The following MELK variants were observed in gnomAD, a reference collection of about 807,000 sequenced individuals.
MELK encodes the protein maternal embryonic leucine zipper kinase, also known as pEg3 kinase.
A neutral mutation model predicts 85.0 loss-of-function variants in MELK; 81 were observed. The observed-to-expected ratio is 0.95, with a 90% CI of 0.80 to 1.15. The LOEUF (loss-of-function observed/expected upper bound fraction) is 1.15. Among genes scored for constraint, MELK ranks in the 50% most tolerant of loss-of-function variants. MELK has a pLI of 0.00. For missense variants in MELK, 754 were observed against 777.5 expected (o/e 0.97, Z 0.36); for synonymous variants, 252 against 265.0 (o/e 0.95, Z 0.48).
chr9:36,629,749 G>A (rs1004154426), intron 8 of MELK, among the ~76,000 whole-genome samples: 1 of 150,852 alleles, frequency 6.6e-6, no homozygotes, highest in Non-Finnish European at 1.5e-5. Flanking sequence ...CTACTGTTAT[G>A]TTCTTTGTGC....
At chr9:36,595,137 G>A (rs146074429) in intron 5 of MELK, among the ~76,000 whole-genome samples, 1 of 149,840 alleles carries the variant, frequency 6.7e-6, no homozygotes, top group Non-Finnish European at 1.5e-5. Flanking sequence ...ATGTTGGTCA[G>A]TCTGGTCATT....
chr9:36,667,247 C>A (rs1052777562), intron 14 of MELK, among the ~76,000 whole-genome samples: 2 of 151,816 alleles, frequency 1.3e-5, no homozygotes, highest in Admixed American at 6.6e-5. Flanking sequence ...CCTCTGCCTC[C>A]TGGGTTCAAG....
At chr9:36,586,276 G>A (rs186775803) in intron 3 of MELK, among the ~76,000 whole-genome samples, 172 of 151,968 alleles carry the variant, frequency 1.1e-3, no homozygotes, top group Non-Finnish European at 1.8e-3. Context: ...CTGGGAGGTT[G>A]GGCTGCAGTG....
At chr9:36,662,053 G>T (rs998319776) in intron 13 of MELK, among the ~76,000 whole-genome samples, 1 of 151,140 alleles carries the variant, frequency 6.6e-6, no homozygotes, top group Non-Finnish European at 1.5e-5. Context: ...TTTTATTATG[G>T]ATTTAGTTAT....
chr9:36,636,782 T>TCTGTCTGTCTGTCTGTCTGTCTGTCTG (rs1829220194), intron 10 of MELK, among the ~76,000 whole-genome samples: 2 of 107,622 alleles, frequency 1.9e-5, no homozygotes, highest in African/African-American at 8.2e-5. Context: ...CTTTCTTTCT[T>TCTGTCTGTCTGTCTGTCTGTCTGTCTG]TCTGTCTGTC....
At chr9:36,623,475 A>G (rs958006310) in intron 8 of MELK, among the ~76,000 whole-genome samples, 1 of 152,240 alleles carries the variant, frequency 6.6e-6, no homozygotes, top group Non-Finnish European at 1.5e-5. Flanking sequence ...GAATGTCAGG[A>G]CATGGTAATG....
chr9:36,621,801 A>G (rs1392032357), intron 8 of MELK, among the ~76,000 whole-genome samples: 1 of 152,190 alleles, frequency 6.6e-6, no homozygotes, highest in Non-Finnish European at 1.5e-5. Context: ...TGGAATTCAT[A>G]CTATTATCAG....
intron 10 of MELK, 91 bp from the exon 11 acceptor site, chr9:36,642,906 T>G (rs879750381): frequency 1.0e-4 from 86 of 834,494 alleles, no homozygotes; most frequent in Admixed American, 4.1e-4. Context: ...GATATTTGAT[T>G]GTATAAAGTA....
At chr9:36,619,933 G>C (rs1827235406) in intron 8 of MELK, among the ~76,000 whole-genome samples, 1 of 152,146 alleles carries the variant, frequency 6.6e-6, no homozygotes, top group Non-Finnish European at 1.5e-5. Context: ...ATGTTTGCTG[G>C]CGTGCATATT....
At chr9:36,664,809 G>T (rs1277807854) in intron 13 of MELK, among the ~76,000 whole-genome samples, 1 of 152,212 alleles carries the variant, frequency 6.6e-6, no homozygotes, top group Non-Finnish European at 1.5e-5. Context: ...GAAGATAGCT[G>T]CCCTTAGGGC....
At chr9:36,588,664 C>A (rs1823208858) in intron 3 of MELK, among the ~76,000 whole-genome samples, 1 of 152,156 alleles carries the variant, frequency 6.6e-6, no homozygotes, top group Non-Finnish European at 1.5e-5. Context: ...TACGCGTGAT[C>A]CACTGCGCCC....
intron 8 of MELK, among the ~76,000 whole-genome samples, chr9:36,615,044 G>A (rs1398827837): frequency 4.8e-5 from 7 of 144,362 alleles, no homozygotes; most frequent in Admixed American, 3.4e-4. Context: ...CCTCCCGGAC[G>A]GGGCAGCTGG....
chr9:36,644,382 C>A (rs1830043182), intron 11 of MELK, among the ~76,000 whole-genome samples: 1 of 152,098 alleles, frequency 6.6e-6, no homozygotes, highest in South Asian at 2.1e-4. Flanking sequence ...CTTTAACTTG[C>A]AAGGTGGAGT....
At chr9:36,578,080 C>T (rs1429427028) in intron 1 of MELK, among the ~76,000 whole-genome samples, 1 of 152,192 alleles carries the variant, frequency 6.6e-6, no homozygotes, top group East Asian at 1.9e-4. Flanking sequence ...GCCACCATGC[C>T]CAGCTATCTT....
chr9:36,609,447 CTTTT>C (rs58390406), intron 8 of MELK, among the ~76,000 whole-genome samples: 2 of 132,742 alleles, frequency 1.5e-5, no homozygotes, highest in Non-Finnish European at 3.2e-5. Context: ...CTTTCTTCTT[CTTTT>C]TTTTTTTTTT....
chr9:36,609,105 G>A (rs1286474188), intron 8 of MELK, among the ~76,000 whole-genome samples: 2 of 152,158 alleles, frequency 1.3e-5, no homozygotes, highest in African/African-American at 4.8e-5. Flanking sequence ...ACAGAGAGTA[G>A]ATAAGTTGTT....
chr9:36,626,854 C>T (rs545247207), intron 8 of MELK, among the ~76,000 whole-genome samples: 117 of 151,188 alleles, frequency 7.7e-4, no homozygotes, highest in Non-Finnish European at 1.3e-3. Context: ...AGCTACTCTG[C>T]AGGCTGAGGC....
intron 11 of MELK, among the ~76,000 whole-genome samples, chr9:36,645,256 C>CAAAA (rs398046556): frequency 1.6e-4 from 10 of 60,750 alleles, no homozygotes; most frequent in African/African-American, 6.2e-4. Context: ...GACTCCGTCT[C>CAAAA]AAAAAAAAAA....
chr9:36,597,331 G>C, intron 6 of MELK, 41 bp downstream of exon 6: 1 of 1,532,948 alleles, frequency 6.5e-7, no homozygotes, highest in Non-Finnish European at 9.0e-7. Flanking sequence ...CTTTGTAAAT[G>C]CATTTATTTC....
Sources: gnomAD v4.1 joint callset for allele counts (sites outside exome capture counted in the v4.1 genomes callset) on GRCh38, gnomAD v4.1.1 for gene constraint, MANE v1.5 for transcripts, NCBI Gene and HGNC (gene_info 2026-07-23, HGNC 2026-07-21) for gene names.